Variants in FHOD3 observed in about 807,000 individuals in gnomAD.
The protein encoded by FHOD3 is formin homology 2 domain containing 3.
FHOD3 carries 90 observed loss-of-function variants against 173.0 expected under a neutral mutation model. That is an observed-to-expected ratio of 0.52 (90% CI 0.44 to 0.62). The LOEUF (loss-of-function observed/expected upper bound fraction) is 0.62, where lower values mean the gene tolerates loss of function less well. Among genes scored for constraint, FHOD3 ranks in the 20% least tolerant of loss-of-function variants. FHOD3 has a pLI of 0.00. For missense variants in FHOD3, 1,945 were observed against 2,034.7 expected, an observed-to-expected ratio of 0.96 and a Z score of 0.85; for synonymous variants, 828 against 823.0, an observed-to-expected ratio of 1.01 and a Z score of -0.10.
rs191814141 is a variant in FHOD3, at chr18:36,587,214, C to T, written c.607-7573C>T. Reference sequence around the variant, plus strand: ...TTTTTGTCCTTTTATGGTTTCTTCTCATTGTTGTCATGGTGATTATCAACT... The same window carrying T: ...TTTTTGTCCTTTTATGGTTTCTTCTTATTGTTGTCATGGTGATTATCAACT... On this transcript the variant is annotated intron_variant, in intron 6 of 28. Transcript: ENST00000590592. Among the ~76,000 whole-genome samples, 180 of 152,220 alleles carry T rather than the reference C, an allele frequency of 1.2e-3. 3 individuals are homozygous for T. The Middle Eastern group carries it at 0.027, about 23-fold the overall frequency.
At chr18:36,732,349 A>G (rs1355707577) in intron 20 of FHOD3, among the ~76,000 whole-genome samples, 1 of 152,158 alleles carries the variant, frequency 6.6e-6, no homozygotes, top group Non-Finnish European at 1.5e-5. Flanking sequence ...GCACCCCTAG[A>G]AAACCTATAT....
At chr18:36,587,773 GA>G (rs937563919) in intron 6 of FHOD3, among the ~76,000 whole-genome samples, 32 of 150,886 alleles carry the variant, frequency 2.1e-4, no homozygotes, top group African/African-American at 5.3e-4. Context: ...CCTGGTGCTG[GA>G]AAAAAAAATA....
intron 5 of FHOD3, among the ~76,000 whole-genome samples, chr18:36,543,045 A>G (rs750124566): frequency 5.3e-5 from 8 of 152,198 alleles, no homozygotes; most frequent in Non-Finnish European, 1.2e-4. Context: ...AACCACATCC[A>G]ATCAGTCAGA....
intron 3 of FHOD3, among the ~76,000 whole-genome samples, chr18:36,380,521 C>G (rs551418061): frequency 2.1e-4 from 31 of 147,638 alleles, no homozygotes; most frequent in Non-Finnish European, 3.7e-4. Context: ...CCTTTCCTCT[C>G]TCCCTTTTTC....
At chr18:36,434,992 C>G (rs1478428418) in intron 3 of FHOD3, among the ~76,000 whole-genome samples, 1 of 151,562 alleles carries the variant, frequency 6.6e-6, no homozygotes, top group Non-Finnish European at 1.5e-5. Flanking sequence ...AAGTCAGTAG[C>G]TTAATTTAAT....
chr18:36,628,827 A>C (rs1226738574), intron 10 of FHOD3, among the ~76,000 whole-genome samples: 1 of 152,128 alleles, frequency 6.6e-6, no homozygotes, highest in African/African-American at 2.4e-5. Context: ...CTCCTGAGGT[A>C]CCCCATCTGC....
intron 14 of FHOD3, among the ~76,000 whole-genome samples, chr18:36,676,112 A>G (rs2037840994): frequency 6.6e-6 from 1 of 152,236 alleles, no homozygotes; most frequent in Non-Finnish European, 1.5e-5. Flanking sequence ...AGTATCAGAT[A>G]TAACATTGAA....
chr18:36,758,434 A>G (rs116920800), intron 25 of FHOD3, among the ~76,000 whole-genome samples: 2,719 of 152,340 alleles, frequency 0.018, 54 homozygotes, highest in Non-Finnish European at 0.023. Context: ...TAAAGTAATT[A>G]AAAGTATGGA....
intron 17 of FHOD3, among the ~76,000 whole-genome samples, chr18:36,703,712 G>C (rs1353499870): frequency 2.0e-5 from 3 of 152,182 alleles, no homozygotes. Context: ...TGTGAGTGAT[G>C]GTCTGCCCTG....
chr18:36,441,695 C>T (rs1226710539), intron 3 of FHOD3, among the ~76,000 whole-genome samples: 1 of 152,228 alleles, frequency 6.6e-6, no homozygotes, highest in East Asian at 1.9e-4. Flanking sequence ...AACAGCTGTG[C>T]TGTGTAATTG....
intron 5 of FHOD3, 71 bp downstream of exon 5, chr18:36,512,614 AACT>A: frequency 9.2e-7 from 1 of 1,089,992 alleles, no homozygotes; most frequent in Non-Finnish European, 1.4e-6. Context: ...TCAGGAACTT[AACT>A]ACTGAGAGCT....
chr18:36,657,201 G>A (rs905103615), intron 13 of FHOD3, among the ~76,000 whole-genome samples: 19 of 152,128 alleles, frequency 1.2e-4, no homozygotes, highest in Admixed American at 3.9e-4. Flanking sequence ...TAACCAGTTC[G>A]GTGGACGGGG....
At chr18:36,746,260 A>G (rs1016004060) in intron 23 of FHOD3, among the ~76,000 whole-genome samples, 15 of 152,188 alleles carry the variant, frequency 9.9e-5, no homozygotes, top group African/African-American at 2.9e-4. Flanking sequence ...ACACACAGGC[A>G]CACACACGAG....
chr18:36,457,724 AC>A (rs1407501439), intron 3 of FHOD3, among the ~76,000 whole-genome samples: 4 of 152,108 alleles, frequency 2.6e-5, no homozygotes, highest in Non-Finnish European at 4.4e-5. Flanking sequence ...CTGAGTTGGT[AC>A]CTGCTCTTTC....
chr18:36,606,116 G>A (rs1011736454), intron 8 of FHOD3, among the ~76,000 whole-genome samples: 3 of 152,172 alleles, frequency 2.0e-5, no homozygotes, highest in Non-Finnish European at 4.4e-5. Context: ...AGTGGGGCTA[G>A]GGGATAACTA....
chr18:36,303,795 C>T (rs2144476469), intron 1 of FHOD3, among the ~76,000 whole-genome samples: 1 of 152,224 alleles, frequency 6.6e-6, no homozygotes, highest in South Asian at 2.1e-4. Flanking sequence ...CTGGGTCCTC[C>T]TCTGCTGGCC....
chr18:36,771,237 T>C (rs2043364166), intron 28 of FHOD3, among the ~76,000 whole-genome samples: 1 of 152,056 alleles, frequency 6.6e-6, no homozygotes, highest in Non-Finnish European at 1.5e-5. Flanking sequence ...GATCCCCAGG[T>C]GATTCATGTT....
intron 3 of FHOD3, among the ~76,000 whole-genome samples, chr18:36,374,694 T>C (rs56767150): frequency 6.6e-6 from 1 of 152,362 alleles, no homozygotes; most frequent in East Asian, 1.9e-4. Flanking sequence ...GACCTTGTTA[T>C]TGGAGTGAGT....
At chr18:36,564,260 A>G (rs2058189442) in intron 5 of FHOD3, among the ~76,000 whole-genome samples, 1 of 152,226 alleles carries the variant, frequency 6.6e-6, no homozygotes, top group Admixed American at 6.5e-5. Context: ...GAAGATCATT[A>G]TAGAATAGAT....
Sources: gnomAD v4.1 joint callset for allele counts (sites outside exome capture counted in the v4.1 genomes callset) on GRCh38, gnomAD v4.1.1 for gene constraint, MANE v1.5 for transcripts, NCBI Gene and HGNC (gene_info 2026-07-23, HGNC 2026-07-21) for gene names.